ELOVL2: variants seen among roughly 807,000 people sequenced by gnomAD.
ELOVL2 encodes the protein ELOVL fatty acid elongase 2, also known as very long chain fatty acid elongase 2.
ELOVL2 carries 38 observed loss-of-function variants against 37.7 expected under a neutral mutation model. The ratio of observed to expected loss-of-function variants is 1.01; its 90% CI spans 0.78 to 1.32. The LOEUF is 1.32. Among genes scored for constraint, ELOVL2 ranks in the 40% most tolerant of loss-of-function variants. The pLI, the probability that ELOVL2 is intolerant of heterozygous loss-of-function variation, is 0.00. For missense variants in ELOVL2, 352 were observed against 363.6 expected, an observed-to-expected ratio of 0.97 and a Z score of 0.26; for synonymous variants, 115 against 122.3, an observed-to-expected ratio of 0.94 and a Z score of 0.40.
intron 5 of ELOVL2, among the ~76,000 whole-genome samples, chr6:10,991,520 T>C (rs903964301): frequency 2.0e-5 from 3 of 152,242 alleles, no homozygotes. Context: ...TGAGATAATA[T>C]ATGAATTTAA....
intron 1 of ELOVL2, chr6:11,015,461 CACT>C (rs1445707113): frequency 1.3e-5 from 2 of 153,654 alleles, no homozygotes; most frequent in Non-Finnish European, 2.9e-5. Context: ...CTCATCACAC[CACT>C]GTTACAGCCA....
At chr6:11,029,406 C>T (rs368347774) in intron 1 of ELOVL2, among the ~76,000 whole-genome samples, 8 of 152,184 alleles carry the variant, frequency 5.3e-5, no homozygotes, top group African/African-American at 9.6e-5. Context: ...ATCCTAACTT[C>T]GCAGTGTGGT....
intron 2 of ELOVL2, 105 bp downstream of exon 2, chr6:11,010,641 A>G: frequency 1.1e-6 from 1 of 898,294 alleles, no homozygotes; most frequent in South Asian, 1.4e-5. Flanking sequence ...AATATTAAGT[A>G]CCTTACTATT....
chr6:11,042,220 C>T lies in ELOVL2; in HGVS notation c.3+2008G>A, dbSNP rs184371532. On this transcript the variant is annotated intron_variant, in intron 1 of 7. Coordinates refer to ENST00000354666, the MANE Select transcript of ELOVL2 (RefSeq NM_017770.4). ...CCCAGCTACTCAGGAGGCTGAGGCA[C>T]GAGAATCACTTGAGCCCAGGAGGTG... is the stretch of plus-strand genomic sequence containing the variant. 3.6e-4 allele frequency among the ~76,000 whole-genome samples: 54 copies of T among 151,888 alleles called. No individual in the cohort carries two copies. The South Asian group carries it at 0.011, about 30-fold the overall frequency.
intron 1 of ELOVL2, among the ~76,000 whole-genome samples, chr6:11,042,568 A>C (rs2113574007): frequency 6.6e-6 from 1 of 152,040 alleles, no homozygotes; most frequent in Admixed American, 6.6e-5. Context: ...CTTTAGGACA[A>C]AGCTTCAGAG....
chr6:11,037,016 C>CGGCATGAGTTAACTTTTAATCT (rs1783018360), intron 1 of ELOVL2, among the ~76,000 whole-genome samples: 1 of 139,806 alleles, frequency 7.2e-6, no homozygotes. Flanking sequence ...GAGAGAGAGA[C>CGGCATGAGTTAACTTTTAATCT]AGAGAGGGAG....
At chr6:10,988,560 G>A (rs996642400) in intron 7 of ELOVL2, among the ~76,000 whole-genome samples, 3 of 151,842 alleles carry the variant, frequency 2.0e-5, no homozygotes, top group Non-Finnish European at 4.4e-5. Context: ...GCAAAACTCT[G>A]TTTCAAAAAA....
intron 1 of ELOVL2, among the ~76,000 whole-genome samples, chr6:11,041,702 T>C (rs912395139): frequency 1.4e-4 from 22 of 152,360 alleles, no homozygotes; most frequent in African/African-American, 5.3e-4. Context: ...TGAACTTACA[T>C]AGTCATAGCT....
At chr6:11,020,899 A>AC (rs1782756628) in intron 1 of ELOVL2, among the ~76,000 whole-genome samples, 1 of 152,230 alleles carries the variant, frequency 6.6e-6, no homozygotes. Flanking sequence ...CTAACACAGT[A>AC]CAGAGCTCAG....
At chr6:11,033,596 A>G (rs1782965038) in intron 1 of ELOVL2, among the ~76,000 whole-genome samples, 1 of 152,244 alleles carries the variant, frequency 6.6e-6, no homozygotes, top group Non-Finnish European at 1.5e-5. Flanking sequence ...TTCAAAAAAC[A>G]TTCAGTTTTA....
At position 11,000,233 on chromosome 6, in the gene ELOVL2, C is replaced by T. The variant is rs1306388486; in HGVS notation, c.256-69G>A. The T allele has an allele frequency of 2.2e-6, 3 of 1,387,982 alleles. No homozygotes were observed. The African/African-American group carries it at 4.2e-5, about 20-fold the overall frequency. The allele number at this position is 1,387,982 out of a possible 1,614,324, so 86.0% of individuals were successfully genotyped here. ...AGAATTTGGATACAGACTGAATTTCCCATTCATGTCTCTGGCATCTGTTCA... is the reference window on the plus strand; with the variant it reads ...AGAATTTGGATACAGACTGAATTTCTCATTCATGTCTCTGGCATCTGTTCA... On this transcript the variant is annotated intron_variant, in intron 3 of 7. Transcript: ENST00000354666.
At chr6:11,000,655 T>G (rs1258411444) in intron 3 of ELOVL2, among the ~76,000 whole-genome samples, 7 of 152,236 alleles carry the variant, frequency 4.6e-5, no homozygotes, top group Non-Finnish European at 1.5e-5. Flanking sequence ...CTTCACTGTA[T>G]TTATGCTACT....
At chr6:11,010,563 G>A (rs929921887) in intron 2 of ELOVL2, among the ~76,000 whole-genome samples, 183 bp downstream of exon 2, 1 of 152,208 alleles carries the variant, frequency 6.6e-6, no homozygotes, top group African/African-American at 2.4e-5. Context: ...GAGAGGTTAA[G>A]CAGTAGGAGA....
chr6:10,995,551 ACTC>A (rs1457861289), intron 4 of ELOVL2, among the ~76,000 whole-genome samples: 1 of 151,408 alleles, frequency 6.6e-6, no homozygotes, highest in Non-Finnish European at 1.5e-5. Context: ...TGGCCTGCTT[ACTC>A]CTCCTCCAGC....
intron 3 of ELOVL2, among the ~76,000 whole-genome samples, chr6:11,002,902 T>C (rs1284268485): frequency 6.6e-6 from 1 of 152,218 alleles, no homozygotes; most frequent in African/African-American, 2.4e-5. Flanking sequence ...ACAGAAGTCA[T>C]CAATCCTTAC....
At chr6:10,984,762 G>T (rs977587806) in intron 7 of ELOVL2, among the ~76,000 whole-genome samples, 4 of 151,472 alleles carry the variant, frequency 2.6e-5, no homozygotes, top group African/African-American at 9.7e-5. Context: ...GTCTATCATT[G>T]TTGGACATTT....
chr6:11,017,797 A>G (rs930369035), intron 1 of ELOVL2, among the ~76,000 whole-genome samples: 1 of 152,170 alleles, frequency 6.6e-6, no homozygotes, highest in Non-Finnish European at 1.5e-5. Context: ...TGGCCTGTTA[A>G]TTTGTGTATT....
At chr6:11,027,668 A>G (rs1186761953) in intron 1 of ELOVL2, among the ~76,000 whole-genome samples, 1 of 152,004 alleles carries the variant, frequency 6.6e-6, no homozygotes, top group Non-Finnish European at 1.5e-5. Flanking sequence ...GATTAGAGGT[A>G]TTAATTCACC....
rs1284284947 is a variant in ELOVL2 at position 10,995,068 on chromosome 6, A to T, written c.444T>A (p.Tyr148Ter). ...KTSQITFLHV[Y>*]HHASMFNIWW... ...AGATGTTAAACATAGAAGCATGATG[A>T]TATACATGAAGAAAAGTAATCTGAC... Residue 148 changes from tyrosine to a stop codon, truncating the protein, a stop_gained, in exon 5 of 8, where the codon TAT becomes TAA. Transcript: ENST00000354666. LOFTEE classifies it high-confidence loss of function. 6.2e-7 allele frequency: 1 copy of T among 1,613,370 alleles called. No individual in the cohort carries two copies. Among genetic ancestry groups the T allele is most frequent in the East Asian group, 2.2e-5 (1 of 44,884 alleles).
Sources: allele counts gnomAD v4.1 joint callset (sites outside exome capture counted in the v4.1 genomes callset), GRCh38; gene constraint gnomAD v4.1.1; transcripts MANE v1.5; gene names NCBI Gene and HGNC (gene_info 2026-07-23, HGNC 2026-07-21).